SKIC3: variants seen among roughly 807,000 people sequenced by gnomAD.
SKIC3 encodes superkiller complex protein 3.
chr5:95,513,704 C>CA, the SKIC3 span: 2 of 1,503,220 alleles, frequency 1.3e-6, no homozygotes, highest in Non-Finnish European at 1.8e-6. Context: ...AATAATAATA[C>CA]AAAATGAAAC....
At chr5:95,509,840 T>G in the SKIC3 span, among the ~76,000 whole-genome samples, 1 of 152,234 alleles carries the variant, frequency 6.6e-6, no homozygotes, top group South Asian at 2.1e-4. Context: ...TTGAATATAA[T>G]GTCAGTAAAA....
At chr5:95,495,640 C>T in the SKIC3 span, among the ~76,000 whole-genome samples, 1 of 152,152 alleles carries the variant, frequency 6.6e-6, no homozygotes, top group East Asian at 1.9e-4. Flanking sequence ...AATGGTCTTC[C>T]AGGTCCTTTG....
At chr5:95,509,597 T>C in the SKIC3 span, 2 of 1,607,132 alleles carry the variant, frequency 1.2e-6, no homozygotes, top group Non-Finnish European at 8.5e-7. Flanking sequence ...AGTTTACCTT[T>C]GGTATGCATT....
the SKIC3 span, chr5:95,550,855 A>G: frequency 2.0e-5 from 3 of 152,264 alleles, no homozygotes; most frequent in African/African-American, 7.2e-5. Context: ...GGTCTAAACT[A>G]TATTCCTGGG....
chr5:95,513,633 C>T, the SKIC3 span: 12 of 1,613,712 alleles, frequency 7.4e-6, no homozygotes, highest in Non-Finnish European at 8.5e-7. Context: ...CCAACTGCCT[C>T]AGCAATAAGA....
At chr5:95,508,010 T>C in the SKIC3 span, among the ~76,000 whole-genome samples, 1 of 152,156 alleles carries the variant, frequency 6.6e-6, no homozygotes, top group East Asian at 1.9e-4. Context: ...CAGTCTGTCA[T>C]ATTTATACAG....
At chr5:95,487,339 A>T in the SKIC3 span, among the ~76,000 whole-genome samples, 1 of 152,098 alleles carries the variant, frequency 6.6e-6, no homozygotes, top group Admixed American at 6.5e-5. Context: ...CTCTAGGAGA[A>T]CCCTAATACA....
the SKIC3 span, among the ~76,000 whole-genome samples, chr5:95,475,467 G>A: frequency 6.6e-5 from 10 of 152,178 alleles, no homozygotes; most frequent in South Asian, 2.1e-4. Flanking sequence ...CATGTAAGAC[G>A]TGCCTGCTTC....
At chr5:95,482,421 A>G in the SKIC3 span, 299 of 1,564,554 alleles carry the variant, frequency 1.9e-4, 2 homozygotes, top group East Asian at 5.2e-3. Context: ...ACATTAACTA[A>G]TATTATGAAG....
chr5:95,527,893 G>A, the SKIC3 span: 2 of 1,067,224 alleles, frequency 1.9e-6, no homozygotes, highest in African/African-American at 1.6e-5. Context: ...TGCAGATGTG[G>A]TGAATTCATA....
At chr5:95,528,372 T>A in the SKIC3 span, among the ~76,000 whole-genome samples, 1 of 152,154 alleles carries the variant, frequency 6.6e-6, no homozygotes, top group Non-Finnish European at 1.5e-5. Context: ...AAAACCTCTA[T>A]CTTCACACAA....
chr5:95,509,321 G>C, the SKIC3 span, among the ~76,000 whole-genome samples: 18 of 152,224 alleles, frequency 1.2e-4, no homozygotes, highest in South Asian at 3.7e-3. Flanking sequence ...ACACTGAAGG[G>C]TGAGGGGAAT....
chr5:95,465,596 ATT>A, the SKIC3 span, among the ~76,000 whole-genome samples: 1 of 152,190 alleles, frequency 6.6e-6, no homozygotes. Flanking sequence ...AAGATACAGG[ATT>A]TTTAGGTCAC....
chr5:95,533,737 C>A, the SKIC3 span, among the ~76,000 whole-genome samples: 2 of 152,196 alleles, frequency 1.3e-5, no homozygotes. Flanking sequence ...AAGACACTTT[C>A]TAATCAATCA....
chr5:95,508,296 C>A, the SKIC3 span, among the ~76,000 whole-genome samples: 118 of 152,240 alleles, frequency 7.8e-4, no homozygotes, highest in African/African-American at 2.7e-3. Flanking sequence ...GATTAGGCAA[C>A]CAGGTCTTTT....
chr5:95,506,621 G>C, the SKIC3 span, among the ~76,000 whole-genome samples: 5 of 152,004 alleles, frequency 3.3e-5, no homozygotes, highest in African/African-American at 1.2e-4. Flanking sequence ...ATAATATATA[G>C]CAAATCAGAA....
the SKIC3 span, chr5:95,537,160 C>T: frequency 6.3e-7 from 1 of 1,592,584 alleles, no homozygotes; most frequent in South Asian, 1.1e-5. Flanking sequence ...AATAAAAAAG[C>T]TATCATCTGT....
chr5:95,478,501 C>A, the SKIC3 span: 8 of 1,599,070 alleles, frequency 5.0e-6, no homozygotes, highest in Admixed American at 1.7e-5. Context: ...CAGTCTGTTA[C>A]CCCTACTTCC....
the SKIC3 span, among the ~76,000 whole-genome samples, chr5:95,485,491 A>G: frequency 6.6e-6 from 1 of 152,212 alleles, no homozygotes; most frequent in Non-Finnish European, 1.5e-5. Flanking sequence ...ACCATAATTG[A>G]TCATAATGTA....
Sources: gnomAD v4.1 joint callset for allele counts (sites outside exome capture counted in the v4.1 genomes callset) on GRCh38, gnomAD v4.1.1 for gene constraint, MANE v1.5 for transcripts, NCBI Gene and HGNC (gene_info 2026-07-23, HGNC 2026-07-21) for gene names.